ST6GALNAC3: variants seen among roughly 807,000 people sequenced by gnomAD.
ST6GALNAC3 encodes alpha-N-acetylgalactosaminide alpha-2,6-sialyltransferase 3.
Under a neutral mutation model 32.7 loss-of-function variants are expected in ST6GALNAC3, and 25 were observed. The ratio of observed to expected loss-of-function variants is 0.76; its 90% CI spans 0.56 to 1.07. ST6GALNAC3 has a LOEUF of 1.07. Among genes scored for constraint, ST6GALNAC3 ranks in the 50% least tolerant of loss-of-function variants. The pLI is 0.00. For synonymous variants in ST6GALNAC3, 129 were observed against 133.1 expected, an observed-to-expected ratio of 0.97 and a Z score of 0.21; for missense variants, 355 against 382.4, an observed-to-expected ratio of 0.93 and a Z score of 0.60.
In ST6GALNAC3 at chr1:76,555,642, T is replaced by A. The variant is rs959198571; in HGVS notation, c.624-71810T>A. 2.0e-4 allele frequency among the ~76,000 whole-genome samples: 30 copies of A among 152,138 alleles called. 1 individual carries two copies. The highest frequency in any genetic ancestry group is 1.8e-3 in the Admixed American group (28 of 15,252). On this transcript the variant is annotated intron_variant, in intron 3 of 4. Transcript: ENST00000328299. ...TGAGGATAAGGTGGAGAGAGCAGATTAGGCTATTGATAGACTGAAGAACGA... is the reference window on the plus strand; with the variant it reads ...TGAGGATAAGGTGGAGAGAGCAGATAAGGCTATTGATAGACTGAAGAACGA...
rs570134232 is a variant in ST6GALNAC3 at position 76,578,996 on chromosome 1, G to A, written c.624-48456G>A. On this transcript the variant is annotated intron_variant, in intron 3 of 4. Coordinates refer to ENST00000328299, the MANE Select transcript of ST6GALNAC3 (RefSeq NM_152996.4). ...AGTGAGTTTCTATTTTCATTCTGTC[G>A]TGCTTACGTATATTCATATGATTTC... Among the ~76,000 whole-genome samples the A allele has an allele frequency of 6.6e-5, 10 of 152,080 alleles. No individual in the cohort carries two copies. The South Asian group carries it at 8.3e-4, about 13-fold the overall frequency.
chr1:76,602,868 C>A (rs1647298451), intron 3 of ST6GALNAC3, among the ~76,000 whole-genome samples: 1 of 150,316 alleles, frequency 6.7e-6, no homozygotes, highest in South Asian at 2.1e-4. Context: ...ATAAAGCACA[C>A]CTAAAAAAAA....
At chr1:76,232,987 C>T (rs1225936086) in intron 1 of ST6GALNAC3, among the ~76,000 whole-genome samples, 1 of 152,152 alleles carries the variant, frequency 6.6e-6, no homozygotes, top group Non-Finnish European at 1.5e-5. Flanking sequence ...CTCATCAAGT[C>T]TCTGAGACAC....
intron 2 of ST6GALNAC3, among the ~76,000 whole-genome samples, chr1:76,345,057 C>T (rs1464329128): frequency 6.6e-6 from 1 of 152,110 alleles, no homozygotes; most frequent in African/African-American, 2.4e-5. Context: ...TCTGATTAAT[C>T]TGTAACCAAT....
chr1:76,087,556 A>C (rs1646981242), intron 1 of ST6GALNAC3, among the ~76,000 whole-genome samples: 1 of 152,204 alleles, frequency 6.6e-6, no homozygotes, highest in Non-Finnish European at 1.5e-5. Context: ...AATAGCTTAC[A>C]TTTACTGAGT....
At chr1:76,375,900 A>G (rs975197552) in intron 2 of ST6GALNAC3, among the ~76,000 whole-genome samples, 2 of 152,160 alleles carry the variant, frequency 1.3e-5, no homozygotes, top group African/African-American at 2.4e-5. Context: ...CATAGTGTTA[A>G]AACTTGTGTG....
intron 3 of ST6GALNAC3, among the ~76,000 whole-genome samples, chr1:76,491,490 A>T (rs6684849): frequency 6.6e-6 from 1 of 151,992 alleles, no homozygotes; most frequent in African/African-American, 2.4e-5. Flanking sequence ...CCTGGCTTCC[A>T]CATGCTGAGT....
intron 2 of ST6GALNAC3, among the ~76,000 whole-genome samples, chr1:76,333,218 T>C (rs1406810889): frequency 1.3e-5 from 2 of 152,198 alleles, no homozygotes. Context: ...GTAAGTTTAA[T>C]GGGTGAGAAT....
chr1:76,279,668 C>G (rs971795082), intron 1 of ST6GALNAC3, among the ~76,000 whole-genome samples: 1 of 152,112 alleles, frequency 6.6e-6, no homozygotes, highest in African/African-American at 2.4e-5. Flanking sequence ...CTGCCGGAGG[C>G]GGAAGTGGCG....
At chr1:76,448,895 T>G (rs1657180418) in intron 3 of ST6GALNAC3, among the ~76,000 whole-genome samples, 1 of 152,158 alleles carries the variant, frequency 6.6e-6, no homozygotes, top group South Asian at 2.1e-4. Context: ...TGGAGTGCAG[T>G]GGTGCAATCT....
intron 3 of ST6GALNAC3, among the ~76,000 whole-genome samples, chr1:76,454,101 C>T (rs1050598654): frequency 6.6e-6 from 1 of 151,976 alleles, no homozygotes; most frequent in Non-Finnish European, 1.5e-5. Flanking sequence ...GTAGCTGTTC[C>T]TGCTTGCTTT....
intron 1 of ST6GALNAC3, among the ~76,000 whole-genome samples, chr1:76,167,459 G>T (rs1241603739): frequency 6.6e-6 from 1 of 152,118 alleles, no homozygotes; most frequent in Non-Finnish European, 1.5e-5. Flanking sequence ...TTTTGTTGTT[G>T]TTGTGTGTCT....
intron 3 of ST6GALNAC3, among the ~76,000 whole-genome samples, chr1:76,568,482 C>G (rs1557582226): frequency 6.6e-6 from 1 of 152,160 alleles, no homozygotes; most frequent in Admixed American, 6.6e-5. Flanking sequence ...CATCTCTCTC[C>G]CAGCATGAAA....
At chr1:76,157,553 T>G (rs932199559) in intron 1 of ST6GALNAC3, among the ~76,000 whole-genome samples, 1 of 152,238 alleles carries the variant, frequency 6.6e-6, no homozygotes, top group Admixed American at 6.5e-5. Context: ...AGCACCTTTT[T>G]CTTCCATCCA....
At chr1:76,540,191 A>C (rs1663902009) in intron 3 of ST6GALNAC3, among the ~76,000 whole-genome samples, 1 of 152,134 alleles carries the variant, frequency 6.6e-6, no homozygotes, top group Non-Finnish European at 1.5e-5. Flanking sequence ...AAATACTGAG[A>C]TCATTTCCTT....
chr1:76,089,273 A>C (rs919915223), intron 1 of ST6GALNAC3, among the ~76,000 whole-genome samples: 1 of 152,000 alleles, frequency 6.6e-6, no homozygotes, highest in Non-Finnish European at 1.5e-5. Flanking sequence ...GGATGATCTC[A>C]ATCTCCTGAC....
rs537770727 is a variant in ST6GALNAC3 at position 76,096,980 on chromosome 1, G to A, written c.18+22096G>A. Among the ~76,000 whole-genome samples, 9 of 150,596 alleles carry A rather than the reference G, an allele frequency of 6.0e-5. No homozygotes were observed. The East Asian group carries it at 1.4e-3, about 23-fold the overall frequency. ...TTTACCCAGGCTGGAGCACAGTGGC[G>A]TGATCTCGGCTCACTGCAATCTCCG... is the stretch of plus-strand genomic sequence containing the variant. On this transcript the variant is annotated intron_variant, in intron 1 of 4. Transcript: ENST00000328299.
chr1:76,360,889 T>C (rs1649874920), intron 2 of ST6GALNAC3, among the ~76,000 whole-genome samples: 1 of 152,152 alleles, frequency 6.6e-6, no homozygotes, highest in South Asian at 2.1e-4. Flanking sequence ...TTTCCTTTCA[T>C]GTATTCCTGT....
At chr1:76,395,462 A>AT (rs780186052) in intron 2 of ST6GALNAC3, among the ~76,000 whole-genome samples, 2 of 152,172 alleles carry the variant, frequency 1.3e-5, no homozygotes, top group Non-Finnish European at 2.9e-5. Context: ...AAGAAAGCAA[A>AT]TCAGTATATC....
Sources: gnomAD v4.1 joint callset for allele counts (sites outside exome capture counted in the v4.1 genomes callset) on GRCh38, gnomAD v4.1.1 for gene constraint, MANE v1.5 for transcripts, NCBI Gene and HGNC (gene_info 2026-07-23, HGNC 2026-07-21) for gene names.